The following EPHA7 variants were observed in gnomAD, a reference collection of about 807,000 sequenced individuals.
EPHA7 encodes the protein EPH receptor A7.
A neutral mutation model predicts 112.6 loss-of-function variants in EPHA7; 25 were observed. That is an observed-to-expected ratio of 0.22 (90% CI 0.16 to 0.31). The LOEUF (loss-of-function observed/expected upper bound fraction) is 0.31. Among genes scored for constraint, EPHA7 ranks in the 10% least tolerant of loss-of-function variants. The pLI, the probability that EPHA7 is intolerant of heterozygous loss-of-function variation, is 1.00. For synonymous variants in EPHA7, 437 were observed against 406.5 expected (o/e 1.07, Z -0.90); for missense variants, 962 against 1,212.6 (o/e 0.79, Z 3.07).
At chr6:93,363,900 T>C (rs1374336218) in intron 3 of EPHA7, among the ~76,000 whole-genome samples, 2 of 152,162 alleles carry the variant, frequency 1.3e-5, no homozygotes, top group East Asian at 3.9e-4. Flanking sequence ...TAAAACAACA[T>C]GGATGAATCT....
At chr6:93,383,553 T>A (rs988175897) in intron 3 of EPHA7, among the ~76,000 whole-genome samples, 1 of 152,044 alleles carries the variant, frequency 6.6e-6, no homozygotes, top group Non-Finnish European at 1.5e-5. Flanking sequence ...TAGGATTACA[T>A]CAAATTACAC....
rs138965332 is a variant in EPHA7 at position 93,255,903 on chromosome 6, A to G, written c.2307T>C (p.Asn769=). 771 of 1,614,068 alleles carry G rather than the reference A, an allele frequency of 4.8e-4. 1 individual carries two copies. The African/African-American group carries it at 9.6e-3, about 20-fold the overall frequency. The change falls in exon 13 of 17, where the codon AAT becomes AAC. Residue 769 remains asparagine, a synonymous_variant. Transcript: ENST00000369303. The stretch of plus-strand genomic sequence containing the variant: ...CAAAATCTGACACTTTACAAACGAG[A>G]TTGCTGTTGACAAGAATATTGCGAG... ...LAARNILVNS[N]LVCKVSDFGL...
intron 9 of EPHA7, among the ~76,000 whole-genome samples, chr6:93,262,166 G>A (rs536026939): frequency 6.6e-6 from 1 of 151,526 alleles, no homozygotes; most frequent in South Asian, 2.1e-4. Flanking sequence ...AGGCATTCAA[G>A]TTTTGATCTG....
chr6:93,397,966 G>T (rs1778262177), intron 3 of EPHA7, among the ~76,000 whole-genome samples: 1 of 151,788 alleles, frequency 6.6e-6, no homozygotes, highest in Non-Finnish European at 1.5e-5. Flanking sequence ...GTATTCACAG[G>T]TTCCTGAATA....
chr6:93,412,509 C>T (rs9452307), intron 2 of EPHA7, among the ~76,000 whole-genome samples: 5,559 of 152,096 alleles, frequency 0.037, 342 homozygotes, highest in African/African-American at 0.13. Flanking sequence ...CAGTCTAATA[C>T]CATCAAAGGT....
At chr6:93,336,072 T>C (rs1417767931) in intron 5 of EPHA7, among the ~76,000 whole-genome samples, 1 of 152,164 alleles carries the variant, frequency 6.6e-6, no homozygotes, top group Non-Finnish European at 1.5e-5. Context: ...TTTAAAGTAG[T>C]GTTTAAAAAA....
intron 1 of EPHA7, among the ~76,000 whole-genome samples, chr6:93,418,527 A>C (rs564475304): frequency 2.0e-5 from 3 of 152,288 alleles, no homozygotes; most frequent in African/African-American, 7.2e-5. Context: ...CGGCCCGACC[A>C]AGCCCGCTGG....
chr6:93,390,900 T>C (rs1486920193), intron 3 of EPHA7, among the ~76,000 whole-genome samples: 1 of 151,936 alleles, frequency 6.6e-6, no homozygotes, highest in African/African-American at 2.4e-5. Context: ...TTGAACTAAA[T>C]TGAATTGGTT....
intron 3 of EPHA7, among the ~76,000 whole-genome samples, chr6:93,392,843 CTT>C (rs1427207328): frequency 6.6e-6 from 1 of 151,694 alleles, no homozygotes; most frequent in Admixed American, 6.6e-5. Context: ...CAGACAAGGA[CTT>C]TACAAAAACA....
chr6:93,394,638 A>C (rs1778077995), intron 3 of EPHA7, among the ~76,000 whole-genome samples: 1 of 151,826 alleles, frequency 6.6e-6, no homozygotes, highest in African/African-American at 2.4e-5. Context: ...AACAAAAAGC[A>C]AGTTCACTTC....
At chr6:93,378,618 T>C (rs1405532256) in intron 3 of EPHA7, among the ~76,000 whole-genome samples, 1 of 152,124 alleles carries the variant, frequency 6.6e-6, no homozygotes, top group Admixed American at 6.6e-5. Context: ...GAACTTAAAA[T>C]GCAATTTGAT....
At chr6:93,386,687 C>G (rs1777623344) in intron 3 of EPHA7, among the ~76,000 whole-genome samples, 1 of 149,904 alleles carries the variant, frequency 6.7e-6, no homozygotes. Flanking sequence ...TCCACGAGGG[C>G]TCCACACCTA....
At chr6:93,404,411 A>G (rs1184297906) in intron 3 of EPHA7, among the ~76,000 whole-genome samples, 2 of 152,006 alleles carry the variant, frequency 1.3e-5, no homozygotes, top group East Asian at 3.9e-4. Flanking sequence ...TCCTCTATAA[A>G]GACATGATCC....
At chr6:93,412,428 A>G (rs981297052) in intron 2 of EPHA7, among the ~76,000 whole-genome samples, 32 of 152,134 alleles carry the variant, frequency 2.1e-4, no homozygotes, top group African/African-American at 7.2e-4. Context: ...CAAGACTGAC[A>G]AATTAGCAAT....
intron 3 of EPHA7, among the ~76,000 whole-genome samples, chr6:93,404,930 G>T (rs1199153175): frequency 6.6e-6 from 1 of 151,690 alleles, no homozygotes; most frequent in African/African-American, 2.4e-5. Flanking sequence ...TACTGCTATA[G>T]TACCTGAGCC....
chr6:93,256,470 C>A (rs1036524078), intron 12 of EPHA7, among the ~76,000 whole-genome samples: 1 of 151,790 alleles, frequency 6.6e-6, no homozygotes, highest in Admixed American at 6.6e-5. Context: ...AAAAGAGCAA[C>A]GGGGGAAATA....
Position 93,419,162 on chromosome 6 carries a change from G to A in EPHA7, c.97+83C>T, listed in dbSNP as rs1396813973. ...TCGCCCGGCGCCGGAGGCGCGGCCGGCAGCGCCGCGGACGAGCTGGCTTGT... is the reference window on the plus strand; with the variant it reads ...TCGCCCGGCGCCGGAGGCGCGGCCGACAGCGCCGCGGACGAGCTGGCTTGT... On this transcript the variant is annotated intron_variant, in intron 1 of 16. Coordinates refer to ENST00000369303, the MANE Select transcript of EPHA7 (RefSeq NM_004440.4). The A allele has an allele frequency of 4.3e-6, 5 of 1,160,008 alleles. 1 individual carries two copies. Among genetic ancestry groups the A allele is most frequent in the Non-Finnish European group, 3.5e-6 (3 of 853,868 alleles). The allele number at this position is 1,160,008 out of a possible 1,614,324, so 71.9% of individuals were successfully genotyped here.
At chr6:93,279,861 C>T (rs1197981747) in intron 5 of EPHA7, among the ~76,000 whole-genome samples, 3 of 152,136 alleles carry the variant, frequency 2.0e-5, no homozygotes, top group Non-Finnish European at 4.4e-5. Flanking sequence ...AGCTACTTAT[C>T]TGTCATATGC....
intron 5 of EPHA7, among the ~76,000 whole-genome samples, chr6:93,312,913 T>C (rs545703325): frequency 1.2e-4 from 18 of 152,206 alleles, no homozygotes; most frequent in South Asian, 2.1e-4. Context: ...AGGGAAATAG[T>C]TGGTGGAGCA....
Sources: allele counts gnomAD v4.1 joint callset (sites outside exome capture counted in the v4.1 genomes callset), GRCh38; gene constraint gnomAD v4.1.1; transcripts MANE v1.5; gene names NCBI Gene and HGNC (gene_info 2026-07-23, HGNC 2026-07-21).